Variants in CMC2 observed in about 807,000 individuals in gnomAD.
CMC2 encodes the protein C-X9-C motif containing 2, also known as COX assembly mitochondrial protein 2 homolog.
CMC2 carries 5 observed loss-of-function variants against 7.5 expected under a neutral mutation model. That is an observed-to-expected ratio of 0.66 (90% CI 0.35 to 1.40). The LOEUF (loss-of-function observed/expected upper bound fraction) is 1.40. Ranked by LOEUF, CMC2 falls within the 40% of genes most tolerant of loss-of-function variation. The pLI, the probability that CMC2 is intolerant of heterozygous loss-of-function variation, is 0.04. For missense variants in CMC2, 115 were observed against 92.3 expected (o/e 1.25, Z -1.01); for synonymous variants, 37 against 31.4 (o/e 1.18, Z -0.60).
rs141036437 is a variant in CMC2, at chr16:80,988,056, C to A, written c.82-6179G>T. Among the ~76,000 whole-genome samples, 24 of 152,056 alleles carry A rather than the reference C, an allele frequency of 1.6e-4. No individual in the cohort carries two copies. The East Asian group carries it at 4.6e-3, about 29-fold the overall frequency. ...TGAATTAGCCAGGCATGATGGCACA[C>A]ACCTGTACTCCCATCTGCTCAGGAG... On this transcript the variant is annotated intron_variant, in intron 2 of 3. Transcript: ENST00000219400.
At chr16:80,998,460 T>G (rs2602436) in intron 1 of CMC2, 1 of 151,816 alleles carries the variant, frequency 6.6e-6, no homozygotes, top group African/African-American at 2.4e-5. Flanking sequence ...CTGTGGAAAC[T>G]GGTATAGCAG....
chr16:80,976,924 A>G lies in CMC2; in HGVS notation c.154-745T>C, dbSNP rs557482280. Among the ~76,000 whole-genome samples, 4 of 152,286 alleles carry G rather than the reference A, an allele frequency of 2.6e-5. No homozygotes were observed. The South Asian group carries it at 8.3e-4, about 32-fold the overall frequency. On this transcript the variant is annotated intron_variant, in intron 3 of 3. Coordinates refer to ENST00000219400, the MANE Select transcript of CMC2 (RefSeq NM_020188.5). ...ACCTATAAAATGACTTTTATTTCAT[A>G]AAGCACTTTAACATTAATGCCCCTT...
chr16:80,986,911 C>T (rs1201120675), intron 2 of CMC2, among the ~76,000 whole-genome samples: 1 of 152,086 alleles, frequency 6.6e-6, no homozygotes, highest in Non-Finnish European at 1.5e-5. Context: ...ACCAGGAAAG[C>T]GAATGATTTT....
rs187204269 is a variant in CMC2, at chr16:80,993,961, G to A, written c.81+3353C>T. Among the ~76,000 whole-genome samples the A allele has an allele frequency of 9.8e-5, 15 of 152,292 alleles. 1 individual carries two copies. The highest frequency in any genetic ancestry group is 9.2e-4 in the Admixed American group (14 of 15,294). ...GACTGAGACTTACTACAAGGCAACA[G>A]TAATTAAGACAGCATGGTACTGGTG... On this transcript the variant is annotated intron_variant, in intron 2 of 3. Transcript: ENST00000219400.
chr16:81,004,776 G>C (rs1472595764), intron 1 of CMC2, among the ~76,000 whole-genome samples: 1 of 152,126 alleles, frequency 6.6e-6, no homozygotes, highest in Admixed American at 6.5e-5. Flanking sequence ...TGACTCTGAG[G>C]TACAATTTTC....
At chr16:80,993,720 A>T (rs1282933920) in intron 2 of CMC2, among the ~76,000 whole-genome samples, 1 of 152,184 alleles carries the variant, frequency 6.6e-6, no homozygotes, top group African/African-American at 2.4e-5. Flanking sequence ...TATGCCAGCT[A>T]TGCCCTAAAA....
chr16:80,994,946 G>A lies in CMC2; in HGVS notation c.81+2368C>T, dbSNP rs13336303. ...GGATCACCTGAGATCAGGAGTTCGA[G>A]ACCAGCCTGACCAACATAATGAAAC... On this transcript the variant is annotated intron_variant, in intron 2 of 3. Transcript: ENST00000219400. Among the ~76,000 whole-genome samples, 378 of 152,194 alleles carry A rather than the reference G, an allele frequency of 2.5e-3. 2 individuals are homozygous for A. Among genetic ancestry groups the A allele is most frequent in the African/African-American group, 8.7e-3 (361 of 41,526 alleles).
Position 80,981,821 on chromosome 16 carries a change from T to C in CMC2, c.138A>G (p.Lys46=). Residue 46 remains lysine, a synonymous_variant, in exon 3 of 4, where the codon AAA becomes AAG. Transcript: ENST00000219400. The stretch of plus-strand genomic sequence containing the variant: ...CTTTTCTTACCTCATTCTTCAGGCA[T>C]TTTCTCAACTCCCGATCAACATCAT... The part of the protein sequence containing the change: ...YCNDVDRELR[K]CLKNEYVENR... The C allele has an allele frequency of 6.2e-7, 1 of 1,608,842 alleles. No homozygotes were observed. The highest frequency in any genetic ancestry group is 8.5e-7 in the Non-Finnish European group (1 of 1,176,404).
At chr16:80,983,978 T>A (rs144114525) in intron 2 of CMC2, 1,775 of 142,418 alleles carry the variant, frequency 0.012, 32 homozygotes, top group African/African-American at 0.043. Flanking sequence ...CGAAACTCCA[T>A]CTCAAAAAAA....
rs1273615154 is a variant in CMC2, at chr16:80,967,910, T to TG, written c.*8182_*8183insC. 3 of 152,288 alleles carry TG rather than the reference T, an allele frequency of 2.0e-5. No homozygotes were observed. Among genetic ancestry groups the TG allele is most frequent in the Admixed American group, 6.5e-5 (1 of 15,298 alleles). 9.4% of individuals were successfully genotyped at this position (152,288 alleles called of 1,614,324 possible). ...CAATGACAACATACCATATTAACGC[T>TG]TCCTATTTTTTTTTCAAATCACATT... On this transcript the variant is annotated 3_prime_UTR_variant, in exon 4 of 4. Coordinates refer to ENST00000219400, the MANE Select transcript of CMC2 (RefSeq NM_020188.5).
intron 2 of CMC2, among the ~76,000 whole-genome samples, chr16:80,995,953 T>G (rs1968384071): frequency 6.6e-6 from 1 of 152,176 alleles, no homozygotes. Context: ...AAAATCCATC[T>G]TTAGTTCCAG....
rs1330160047 is a variant in CMC2, at chr16:80,997,314, A to G, written c.81T>C (p.Asn27=). The G allele has an allele frequency of 5.8e-6, 9 of 1,551,098 alleles. No individual in the cohort carries two copies. The highest frequency in any genetic ancestry group is 7.1e-6 in the Non-Finnish European group (8 of 1,123,022). Residue 27 remains asparagine, a splice_region_variant and synonymous_variant, in exon 2 of 4, where the codon AAT becomes AAC. Transcript: ENST00000219400. ...LINLLKECHK[N]HNILKFFGYC... ...TACAGTCGTTTTTCTGAACTCTTAC[A>G]TTTTTGTGACATTCCTTAAGCAAGT...
At chr16:80,996,648 T>C (rs1326962041) in intron 2 of CMC2, among the ~76,000 whole-genome samples, 2 of 152,220 alleles carry the variant, frequency 1.3e-5, no homozygotes, top group African/African-American at 4.8e-5. Context: ...ATCTACAGTT[T>C]GTAGACATCA....
intron 2 of CMC2, among the ~76,000 whole-genome samples, chr16:80,992,409 C>T (rs571278395): frequency 1.8e-3 from 274 of 152,188 alleles, no homozygotes; most frequent in African/African-American, 6.2e-3. Flanking sequence ...AGCAAATATA[C>T]GGCAGTTTTG....
rs1911685945 is a variant in CMC2 at position 80,968,220 on chromosome 16, C to G, written c.*7873G>C. 1.4e-5 allele frequency: 2 copies of G among 147,674 alleles called. No individual in the cohort carries two copies. The highest frequency in any genetic ancestry group is 5.2e-5 in the African/African-American group (2 of 38,164). The allele number at this position is 147,674 out of a possible 1,614,324, so 9.1% of individuals were successfully genotyped here. On this transcript the variant is annotated 3_prime_UTR_variant, in exon 4 of 4. Transcript: ENST00000219400. The stretch of plus-strand genomic sequence containing the variant: ...TAGTAGGTCAGGGTGGGGTCTAAAA[C>G]TCTCCATTTCTTTTTTTTATTTTTA...
chr16:81,004,408 C>T (rs563242552), intron 1 of CMC2, among the ~76,000 whole-genome samples: 3 of 152,296 alleles, frequency 2.0e-5, no homozygotes, highest in East Asian at 3.9e-4. Flanking sequence ...GGGAGCGACC[C>T]CAGGGACTGC....
intron 1 of CMC2, chr16:80,998,505 A>T (rs1423520546): frequency 6.6e-6 from 1 of 152,182 alleles, no homozygotes. Flanking sequence ...TTACCATATG[A>T]TCCAACAATT....
At chr16:80,976,458 C>T (rs959539059) in intron 3 of CMC2, among the ~76,000 whole-genome samples, 1 of 152,172 alleles carries the variant, frequency 6.6e-6, no homozygotes, top group Non-Finnish European at 1.5e-5. Context: ...TTTGCTCAAT[C>T]AATTTCCTCC....
chr16:80,998,272 A>C (rs1275875891), intron 1 of CMC2: 1 of 152,158 alleles, frequency 6.6e-6, no homozygotes, highest in Non-Finnish European at 1.5e-5. Context: ...TACCAAAAGA[A>C]AGAACCGATT....
Sources: allele counts gnomAD v4.1 joint callset (sites outside exome capture counted in the v4.1 genomes callset), GRCh38; gene constraint gnomAD v4.1.1; transcripts MANE v1.5; gene names NCBI Gene and HGNC (gene_info 2026-07-23, HGNC 2026-07-21).